ZW10: variants seen among roughly 807,000 people sequenced by gnomAD.
The protein encoded by ZW10 is zw10 kinetochore protein.
ZW10 carries 53 observed loss-of-function variants against 87.8 expected under a neutral mutation model. That is an observed-to-expected ratio of 0.60 (90% CI 0.48 to 0.76). The LOEUF is 0.76. Among genes scored for constraint, ZW10 ranks in the 30% least tolerant of loss-of-function variants. The pLI, the probability that ZW10 is intolerant of heterozygous loss-of-function variation, is 0.00. For synonymous variants in ZW10, 312 were observed against 329.2 expected (o/e 0.95, Z 0.57); for missense variants, 837 against 923.0 (o/e 0.91, Z 1.21).
intron 1 of ZW10, chr11:113,769,649 C>T (rs565760853): frequency 1.3e-4 from 37 of 289,764 alleles, no homozygotes; most frequent in African/African-American, 5.8e-4. Context: ...GGAAGCCGGA[C>T]TCCAGGCATC....
intron 1 of ZW10, among the ~76,000 whole-genome samples, chr11:113,772,095 T>C (rs1953973485): frequency 6.6e-6 from 1 of 151,948 alleles, no homozygotes; most frequent in Admixed American, 6.6e-5. Flanking sequence ...AAAATGGGTT[T>C]GAAAAATACT....
chr11:113,743,873 A>G lies in ZW10; in HGVS notation c.1440T>C (p.Ser480=). ...GTTCCATTAATTTCTTCACAGACTCACTGATACGGCATGTGGGCAAGGAAA... is the reference window on the plus strand; with the variant it reads ...GTTCCATTAATTTCTTCACAGACTCGCTGATACGGCATGTGGGCAAGGAAA... ...HSFSLPTCRI[S]ESVKKLMELA... The change falls in exon 10 of 16, where the codon AGT becomes AGC. Residue 480 remains serine (S), a synonymous_variant. Coordinates refer to ENST00000200135, the MANE Select transcript of ZW10 (RefSeq NM_004724.4). 1 of 1,614,164 alleles carries G rather than the reference A, an allele frequency of 6.2e-7. No homozygotes were observed. Among genetic ancestry groups the G allele is most frequent in the Non-Finnish European group, 8.5e-7 (1 of 1,180,024 alleles).
intron 7 of ZW10, among the ~76,000 whole-genome samples, chr11:113,755,745 T>C (rs1953776564): frequency 6.6e-6 from 1 of 152,194 alleles, no homozygotes; most frequent in African/African-American, 2.4e-5. Flanking sequence ...ATTGTTGTCT[T>C]ATTTTAAGAA....
Position 113,733,522 on chromosome 11 carries a change from TAAAC to T in ZW10, c.*168_*171del, listed in dbSNP as rs141123769. 0.093 allele frequency: 70,106 copies of T among 753,026 alleles called. 3,409 individuals are homozygous for T. The highest frequency in any genetic ancestry group is 0.14 in the East Asian group (5,273 of 37,156). The allele number at this position is 753,026 out of a possible 1,614,324, so 46.6% of individuals were successfully genotyped here. On this transcript the variant is annotated 3_prime_UTR_variant, in exon 16 of 16. Coordinates refer to ENST00000200135, the MANE Select transcript of ZW10 (RefSeq NM_004724.4). ...ACAATTTATCTTAATAAACAGTTCTTAAACAAAGCCTCGTACAGGCCAGGAGGTA... is the reference window on the plus strand; with the variant it reads ...ACAATTTATCTTAATAAACAGTTCTTAAAGCCTCGTACAGGCCAGGAGGTA...
chr11:113,752,897 C>CA (rs1304555136), intron 7 of ZW10, among the ~76,000 whole-genome samples: 1 of 152,168 alleles, frequency 6.6e-6, no homozygotes, highest in African/African-American at 2.4e-5. Flanking sequence ...GAAGGAATGT[C>CA]AAAGGCTCAG....
chr11:113,743,499 CTTT>C (rs995849047), intron 10 of ZW10, among the ~76,000 whole-genome samples: 9 of 152,138 alleles, frequency 5.9e-5, no homozygotes, highest in African/African-American at 1.9e-4. Flanking sequence ...AATTGAAGAA[CTTT>C]TTGTTAAAAA....
intron 2 of ZW10, 37 bp downstream of exon 2, chr11:113,768,796 C>T (rs1230312030): frequency 6.2e-7 from 1 of 1,605,404 alleles, no homozygotes; most frequent in Non-Finnish European, 8.5e-7. Flanking sequence ...TGAACCACCT[C>T]CCTACAAACC....
At chr11:113,749,950 C>T (rs930242322) in intron 7 of ZW10, among the ~76,000 whole-genome samples, 1 of 152,170 alleles carries the variant, frequency 6.6e-6, no homozygotes, top group Non-Finnish European at 1.5e-5. Flanking sequence ...TCTTTTCCTC[C>T]ATGCACTAAC....
chr11:113,741,554 T>C (rs1953619103), intron 11 of ZW10, 140 bp downstream of exon 11: 1 of 520,528 alleles, frequency 1.9e-6, no homozygotes, highest in African/African-American at 2.0e-5. Context: ...ATATGCGTTT[T>C]AAAATGATTT....
In ZW10 at chr11:113,738,293, A is replaced by G; in HGVS notation, c.1855T>C (p.Tyr619His). The G allele has an allele frequency of 6.2e-7, 1 of 1,612,912 alleles. No homozygotes were observed. The highest frequency in any genetic ancestry group is 8.5e-7 in the Non-Finnish European group (1 of 1,179,500). The change falls in exon 13 of 16, where the codon TAT (tyrosine) becomes CAT (histidine). Residue 619 changes from tyrosine to histidine, a missense_variant. By Grantham distance (83) the Tyr-to-His change is moderately conservative. Coordinates refer to ENST00000200135, the MANE Select transcript of ZW10 (RefSeq NM_004724.4). ...NFSNMDDEEN[Y>H]SAASKAVRQV... is the part of the protein sequence containing the mutation. ...CGGACTGCTTTACTTGCTGCAGAAT[A>G]ATTCTCTTCATCGTCCATATTTGAA...
At chr11:113,737,776 A>T in intron 13 of ZW10, 73 bp from the exon 14 acceptor site, 2 of 1,491,474 alleles carry the variant, frequency 1.3e-6, no homozygotes, top group Non-Finnish European at 1.8e-6. Context: ...TACATTTATC[A>T]TTTGTGAGTT....
chr11:113,737,326 C>T (rs1953564554), intron 14 of ZW10, among the ~76,000 whole-genome samples: 1 of 152,128 alleles, frequency 6.6e-6, no homozygotes, highest in African/African-American at 2.4e-5. Context: ...AGGACCACTA[C>T]CCAGTTTCTA....
At chr11:113,737,465 T>G in intron 14 of ZW10, 107 bp downstream of exon 14, 1 of 1,184,948 alleles carries the variant, frequency 8.4e-7, no homozygotes, top group Non-Finnish European at 1.1e-6. Context: ...ACAGCATGAG[T>G]TAGACATGAA....
rs778099285 is a variant in ZW10 at position 113,768,927 on chromosome 11, A to T, written c.146T>A (p.Phe49Tyr). 3 of 1,614,210 alleles carry T rather than the reference A, an allele frequency of 1.9e-6. No homozygotes were observed. The Admixed American group carries it at 5.0e-5, about 27-fold the overall frequency. ...CTGCGCGCTCTGCATGCTAGGCAGG[A>T]ATTCACTGTACTTCTTGCTAATCAT... Reference protein sequence around the residue: ...CNMISKKYSEFLPSMQSAQGL... With the variant: ...CNMISKKYSEYLPSMQSAQGL... Residue 49 changes from phenylalanine (F) to tyrosine (Y), a missense_variant, in exon 2 of 16, where the codon TTC (phenylalanine) becomes TAC (tyrosine). Transcript: ENST00000200135.
At chr11:113,772,065 A>C (rs1364030680) in intron 1 of ZW10, among the ~76,000 whole-genome samples, 3 of 152,140 alleles carry the variant, frequency 2.0e-5, no homozygotes, top group African/African-American at 7.2e-5. Flanking sequence ...TATGCAGGAG[A>C]CATTTGAAAT....
chr11:113,738,374 G>C lies in ZW10; in HGVS notation c.1774C>G (p.Gln592Glu). 2 of 1,611,800 alleles carry C rather than the reference G, an allele frequency of 1.2e-6. No individual in the cohort carries two copies. The highest frequency in any genetic ancestry group is 1.7e-6 in the Non-Finnish European group (2 of 1,179,284). The change falls in exon 13 of 16, where the codon CAA becomes GAA. Residue 592 changes from glutamine (Q) to glutamate (E), a missense_variant. By Grantham distance (29) the Gln-to-Glu change is conservative (BLOSUM62 2). Coordinates refer to ENST00000200135, the MANE Select transcript of ZW10 (RefSeq NM_004724.4). ...RRLGTECFLA[Q>E]MRAQKGELLE... is the part of the protein sequence containing the mutation. Reference sequence around the variant, plus strand: ...AGTTCACCTTTCTGTGCCCGCATTTGGGCCAAAAAGCATTCTGTCCCTATG... The same window carrying C: ...AGTTCACCTTTCTGTGCCCGCATTTCGGCCAAAAAGCATTCTGTCCCTATG...
rs970776908 is a variant in ZW10, at chr11:113,769,059, T to C, written c.106-92A>G. 5 of 1,370,692 alleles carry C rather than the reference T, an allele frequency of 3.6e-6. No homozygotes were observed. The African/African-American group carries it at 5.7e-5, about 16-fold the overall frequency. The allele number at this position is 1,370,692 out of a possible 1,614,324, so 84.9% of individuals were successfully genotyped here. A position where few individuals can be genotyped will look rare whatever the true frequency, so the allele number is the denominator to read the frequency against. The stretch of plus-strand genomic sequence containing the variant: ...TTCATCTTCCACAAGGCATTTTCCA[T>C]GTTAGAACCTTCTTGCCAATTGCCT... On this transcript the variant is annotated intron_variant, in intron 1 of 15. Transcript: ENST00000200135.
At chr11:113,772,173 A>C (rs950319559) in intron 1 of ZW10, among the ~76,000 whole-genome samples, 28 of 152,236 alleles carry the variant, frequency 1.8e-4, no homozygotes, top group African/African-American at 6.8e-4. Context: ...GAGAGCAGAG[A>C]AAGTAATTCT....
chr11:113,764,777 G>A (rs1953894633), intron 2 of ZW10, among the ~76,000 whole-genome samples: 1 of 152,128 alleles, frequency 6.6e-6, no homozygotes, highest in African/African-American at 2.4e-5. Context: ...TAACAGTACT[G>A]TGTTAACTTT....
Sources: gnomAD v4.1 joint callset for allele counts (sites outside exome capture counted in the v4.1 genomes callset) on GRCh38, gnomAD v4.1.1 for gene constraint, MANE v1.5 for transcripts, NCBI Gene and HGNC (gene_info 2026-07-23, HGNC 2026-07-21) for gene names.